Variants in VWF observed in about 807,000 individuals in gnomAD.
VWF encodes Factor VIII related antigen.
Under a neutral mutation model 308.6 loss-of-function variants are expected in VWF, and 176 were observed. That is an observed-to-expected ratio of 0.57 (90% CI 0.50 to 0.65). The LOEUF is 0.65. Among genes scored for constraint, VWF ranks in the 30% least tolerant of loss-of-function variants. The pLI, the probability that VWF is intolerant of heterozygous loss-of-function variation, is 0.00. For missense variants in VWF, 3,146 were observed against 3,648.2 expected, an observed-to-expected ratio of 0.86 and a Z score of 3.55; for synonymous variants, 1,385 against 1,443.4, an observed-to-expected ratio of 0.96 and a Z score of 0.92.
chr12:6,027,220 T>C (rs11063997), intron 22 of VWF, among the ~76,000 whole-genome samples: 42,857 of 151,938 alleles, frequency 0.28, 6,804 homozygotes, highest in African/African-American at 0.42. Context: ...CCCTCCTCTG[T>C]AGCCACACTG....
At chr12:5,982,992 AC>A in intron 41 of VWF, among the ~76,000 whole-genome samples, 157 bp downstream of exon 41, 1 of 152,278 alleles carries the variant, frequency 6.6e-6, no homozygotes, top group Non-Finnish European at 1.5e-5. Context: ...TGCAGGTGTG[AC>A]CCTAACCCCT....
In VWF at chr12:6,045,086, T is replaced by C. The variant is rs531372544; in HGVS notation, c.2282-635A>G. The stretch of plus-strand genomic sequence containing the variant: ...TTGTTTACTGTCCTCCCCAAGCCAC[T>C]GGGCCCACTAGAACGCATGTTCCAT... On this transcript the variant is annotated intron_variant, in intron 17 of 51. Transcript: ENST00000261405. Among the ~76,000 whole-genome samples, 17 of 152,312 alleles carry C rather than the reference T, an allele frequency of 1.1e-4. No homozygotes were observed. The South Asian group carries it at 3.3e-3, about 30-fold the overall frequency.
intron 35 of VWF, 124 bp from the exon 36 acceptor site, chr12:5,994,731 A>T: frequency 1.2e-6 from 1 of 839,720 alleles, no homozygotes; most frequent in Non-Finnish European, 2.0e-6. Context: ...ACAAACCTTG[A>T]TATTTGTCGG....
intron 34 of VWF, among the ~76,000 whole-genome samples, chr12:6,009,426 A>AACACACACACACACAC (rs3062550): frequency 6.8e-6 from 1 of 146,530 alleles, no homozygotes; most frequent in African/African-American, 2.5e-5. Flanking sequence ...GCCATTATCA[A>AACACACACACACACAC]ACACACACAC....
intron 38 of VWF, among the ~76,000 whole-genome samples, chr12:5,988,736 T>C (rs947362234): frequency 6.6e-6 from 1 of 152,200 alleles, no homozygotes; most frequent in Admixed American, 6.5e-5. Flanking sequence ...GGCCAGGCTA[T>C]GCAGCAACGC....
rs564477769 is a variant in VWF, at chr12:5,992,102, T to C, written c.6599-84A>G. 365 of 1,333,410 alleles carry C rather than the reference T, an allele frequency of 2.7e-4. 2 individuals are homozygous for C. The African/African-American group carries it at 4.8e-3, about 18-fold the overall frequency. The allele number at this position is 1,333,410 out of a possible 1,614,324, so 82.6% of individuals were successfully genotyped here. ...ACAGCTGATTCAACATGGTTAATCA[T>C]CAGACAAACTTGCCAGGGCAGAGAC... On this transcript the variant is annotated intron_variant, in intron 37 of 51. Transcript: ENST00000261405.
chr12:6,100,922 C>T (rs1230930994), intron 5 of VWF, among the ~76,000 whole-genome samples: 1 of 151,824 alleles, frequency 6.6e-6, no homozygotes, highest in East Asian at 1.9e-4. Context: ...ACAGAAATAG[C>T]AAGAGTAGAG....
intron 39 of VWF, 26 bp from the exon 40 acceptor site, chr12:5,985,145 G>A (rs1298522507): frequency 3.3e-5 from 53 of 1,611,254 alleles, no homozygotes; most frequent in Non-Finnish European, 4.4e-5. Context: ...GGCCACAAAA[G>A]TCAGAGAAAT....
chr12:5,970,757 C>A (rs995991845), intron 44 of VWF, among the ~76,000 whole-genome samples: 5 of 152,128 alleles, frequency 3.3e-5, no homozygotes, highest in African/African-American at 1.2e-4. Context: ...GCCTTCCTCT[C>A]GAAGGGAAGC....
chr12:6,027,024 A>G (rs1944201292), intron 22 of VWF, among the ~76,000 whole-genome samples: 1 of 79,934 alleles, frequency 1.3e-5, no homozygotes, highest in African/African-American at 7.3e-5. Flanking sequence ...AAGAGAAAAA[A>G]TGTATTCTAT....
At chr12:5,971,055 C>T (rs1463335568) in intron 44 of VWF, among the ~76,000 whole-genome samples, 2 of 152,186 alleles carry the variant, frequency 1.3e-5, no homozygotes, top group African/African-American at 2.4e-5. Context: ...GGGGGTGAGC[C>T]AGCCAGGAGA....
intron 47 of VWF, among the ~76,000 whole-genome samples, chr12:5,964,230 A>ACATACATACATACATGCATG (rs1943360593): frequency 1.4e-5 from 2 of 140,414 alleles, no homozygotes; most frequent in African/African-American, 6.1e-5. Context: ...ATACATACAT[A>ACATACATACATACATGCATG]CATACATACA....
chr12:6,019,500 C>A lies in VWF; in HGVS notation c.3918G>T (p.Arg1306=). Residue 1306 remains arginine, a synonymous_variant, in exon 28 of 52, where the codon CGG becomes CGT. Transcript: ENST00000261405. The surrounding 1 kb of genome is among the most constrained non-coding windows in gnomAD (Gnocchi z 5.8). ...GGACCCACTTCTGGGAGATGCGCAG[C>A]CGCTCCATCATGTCCACCACAAAGG... is the stretch of plus-strand genomic sequence containing the variant. The part of the protein sequence containing the change: ...LKAFVVDMME[R]LRISQKWVRV... 6.2e-7 allele frequency: 1 copy of A among 1,613,990 alleles called. No individual in the cohort carries two copies. Among genetic ancestry groups the A allele is most frequent in the Non-Finnish European group, 8.5e-7 (1 of 1,179,882 alleles).
chr12:6,110,121 C>A (rs1945289845), intron 5 of VWF, among the ~76,000 whole-genome samples: 1 of 152,152 alleles, frequency 6.6e-6, no homozygotes, highest in Non-Finnish European at 1.5e-5. Flanking sequence ...CATTGACCAA[C>A]CATCTGCCAC....
intron 47 of VWF, chr12:5,953,858 A>C (rs1415782839): frequency 2.2e-6 from 1 of 462,082 alleles, no homozygotes; most frequent in African/African-American, 2.0e-5. Context: ...CAGACTTACA[A>C]ATTCAATTGT....
chr12:5,986,226 A>T, intron 38 of VWF, among the ~76,000 whole-genome samples: 1 of 152,190 alleles, frequency 6.6e-6, no homozygotes, highest in Non-Finnish European at 1.5e-5. Flanking sequence ...AAGGCTTTGA[A>T]GTCAGGAACT....
rs148378162 is a variant in VWF at position 6,010,975 on chromosome 12, T to A, written c.5842+642A>T. 2.9e-3 allele frequency among the ~76,000 whole-genome samples: 439 copies of A among 152,260 alleles called. 5 individuals carry two copies. Among genetic ancestry groups the A allele is most frequent in the African/African-American group, 9.6e-3 (400 of 41,546 alleles). ...ACCTAGACCAAGAGGGAAATTTATC[T>A]CACTAAATAAATTCTAAAGGGGGAA... On this transcript the variant is annotated intron_variant, in intron 34 of 51. Coordinates refer to ENST00000261405, the MANE Select transcript of VWF (RefSeq NM_000552.5).
At chr12:6,032,876 A>ACG (rs1491285848) in intron 20 of VWF, among the ~76,000 whole-genome samples, 2 of 9,026 alleles carry the variant, frequency 2.2e-4, no homozygotes, top group African/African-American at 9.3e-4. Context: ...ATGTACTCAT[A>ACG]CACACACACA....
At chr12:5,964,250 G>GCATACATACATGCATGCATA (rs1943365178) in intron 47 of VWF, among the ~76,000 whole-genome samples, 3 of 122,350 alleles carry the variant, frequency 2.5e-5, no homozygotes, top group African/African-American at 1.1e-4. Flanking sequence ...ATACATACAT[G>GCATACATACATGCATGCATA]CATACATACA....
Sources: gnomAD v4.1 joint callset for allele counts (sites outside exome capture counted in the v4.1 genomes callset) on GRCh38, gnomAD v4.1.1 for gene constraint, Gnocchi (gnomAD v3.1) non-coding constraint, MANE v1.5 for transcripts, NCBI Gene and HGNC (gene_info 2026-07-23, HGNC 2026-07-21) for gene names.